MGMT: variants seen among roughly 807,000 people sequenced by gnomAD.
The protein encoded by MGMT is O-6-methylguanine-DNA methyltransferase.
In MGMT, 14 loss-of-function variants were observed where a neutral mutation model predicts 15.9. That is an observed-to-expected ratio of 0.88 (90% confidence interval 0.58 to 1.37). The LOEUF is 1.37. MGMT is among the 40% of genes most tolerant of loss of function. The pLI, the probability that MGMT is intolerant of heterozygous loss-of-function variation, is 0.00. For synonymous variants in MGMT, 130 were observed against 118.2 expected (o/e 1.10, Z -0.65); for missense variants, 282 against 268.1 (o/e 1.05, Z -0.36).
At chr10:129,713,210 C>T (rs1032210074) in intron 3 of MGMT, among the ~76,000 whole-genome samples, 4 of 152,122 alleles carry the variant, frequency 2.6e-5, no homozygotes, top group South Asian at 2.1e-4. Context: ...TGATTTTAAA[C>T]GAGGGCTCAT....
Position 129,505,238 on chromosome 10 carries a change from C to T in MGMT, c.-12-31003C>T, listed in dbSNP as rs1288788187. Among the ~76,000 whole-genome samples the T allele has an allele frequency of 2.1e-5, 3 of 143,184 alleles. No individual in the cohort carries two copies. The East Asian group carries it at 5.8e-4, about 28-fold the overall frequency. 93.9% of individuals were successfully genotyped at this position (143,184 alleles called of 152,430 possible). A position where few individuals can be genotyped will look rare whatever the true frequency, so the allele number is the denominator to read the frequency against. On this transcript the variant is annotated intron_variant, in intron 1 of 4. Coordinates refer to ENST00000651593, the MANE Select transcript of MGMT (RefSeq NM_002412.5). ...GTGGTAGATAAATATCTCTTTTAGT[C>T]CCCCAACCCCACTTTTATTTTCTAG...
At chr10:129,505,933 C>T (rs1256046945) in intron 1 of MGMT, among the ~76,000 whole-genome samples, 4 of 149,806 alleles carry the variant, frequency 2.7e-5, no homozygotes, top group Non-Finnish European at 5.9e-5. Context: ...GCTGAGCACA[C>T]CAACAGGCTT....
intron 1 of MGMT, among the ~76,000 whole-genome samples, chr10:129,477,008 CTG>C (rs1423637601): frequency 6.6e-6 from 1 of 152,156 alleles, no homozygotes; most frequent in Non-Finnish European, 1.5e-5. Flanking sequence ...CCAGGCAAGT[CTG>C]TGGGCTCGTG....
intron 2 of MGMT, among the ~76,000 whole-genome samples, chr10:129,692,335 T>A (rs2133128749): frequency 6.6e-6 from 1 of 152,178 alleles, no homozygotes; most frequent in East Asian, 1.9e-4. Flanking sequence ...CGGGGCAGTA[T>A]GAGTCCAGAC....
At chr10:129,706,401 AAC>A (rs1848162697) in intron 2 of MGMT, among the ~76,000 whole-genome samples, 1 of 152,190 alleles carries the variant, frequency 6.6e-6, no homozygotes, top group African/African-American at 2.4e-5. Flanking sequence ...GTCGAGGAGA[AAC>A]ATTCTGTAGA....
chr10:129,753,374 T>C (rs568860651), intron 3 of MGMT, among the ~76,000 whole-genome samples: 21 of 152,340 alleles, frequency 1.4e-4, no homozygotes, highest in Admixed American at 7.8e-4. Context: ...TTGCCAAATT[T>C]GACAAAATTT....
At chr10:129,720,281 G>A (rs985235030) in intron 3 of MGMT, among the ~76,000 whole-genome samples, 4 of 152,238 alleles carry the variant, frequency 2.6e-5, no homozygotes, top group South Asian at 4.1e-4. Context: ...TGGGACTCCT[G>A]CACTCTGGGA....
intron 2 of MGMT, among the ~76,000 whole-genome samples, chr10:129,705,140 A>G (rs905177061): frequency 1.3e-5 from 2 of 152,210 alleles, no homozygotes; most frequent in Non-Finnish European, 1.5e-5. Context: ...TCGCAGACGC[A>G]GGCCCATGGC....
At chr10:129,619,697 C>T (rs1442906990) in intron 2 of MGMT, among the ~76,000 whole-genome samples, 2 of 151,932 alleles carry the variant, frequency 1.3e-5, no homozygotes, top group African/African-American at 4.8e-5. Flanking sequence ...TTTTGGTTAT[C>T]TGTCTTTCAA....
intron 1 of MGMT, among the ~76,000 whole-genome samples, chr10:129,534,656 A>G (rs985272769): frequency 2.6e-5 from 4 of 151,888 alleles, no homozygotes; most frequent in Non-Finnish European, 4.4e-5. Context: ...AGGAAAGATC[A>G]GCTGGAGTGC....
chr10:129,768,189 A>G lies in MGMT; in HGVS notation c.*1192A>G, dbSNP rs538634286. On this transcript the variant is annotated 3_prime_UTR_variant, in exon 5 of 5. Coordinates refer to ENST00000651593, the MANE Select transcript of MGMT (RefSeq NM_002412.5). ...TGGCCTCACGATGTGTATGGTTGGG[A>G]CCCGCCTTCTATTTCATTTTATCTT... Among the ~76,000 whole-genome samples, 3 of 152,202 alleles carry G rather than the reference A, an allele frequency of 2.0e-5. No homozygotes were observed. The South Asian group carries it at 6.2e-4, about 32-fold the overall frequency.
At chr10:129,618,938 C>T (rs1193714220) in intron 2 of MGMT, among the ~76,000 whole-genome samples, 1 of 152,020 alleles carries the variant, frequency 6.6e-6, no homozygotes, top group Non-Finnish European at 1.5e-5. Flanking sequence ...AGAATGAAGA[C>T]AGTTTTGTTT....
chr10:129,470,486 C>T (rs1190081366), intron 1 of MGMT, among the ~76,000 whole-genome samples: 4 of 152,196 alleles, frequency 2.6e-5, no homozygotes. Flanking sequence ...CTGACTTCTT[C>T]ATAGAGCTAT....
intron 1 of MGMT, among the ~76,000 whole-genome samples, chr10:129,491,926 C>A (rs899679102): frequency 6.6e-6 from 1 of 152,108 alleles, no homozygotes. Flanking sequence ...TTGTGGACAT[C>A]TATTCCTCTG....
At chr10:129,575,781 C>T (rs1243879464) in intron 2 of MGMT, among the ~76,000 whole-genome samples, 2 of 152,042 alleles carry the variant, frequency 1.3e-5, no homozygotes, top group South Asian at 4.2e-4. Context: ...AATTGATAGA[C>T]TGCTAGCAAG....
At chr10:129,697,908 A>G (rs1487475578) in intron 2 of MGMT, among the ~76,000 whole-genome samples, 2 of 152,272 alleles carry the variant, frequency 1.3e-5, no homozygotes, top group African/African-American at 4.8e-5. Context: ...ATCCCAGAGC[A>G]GGTTCTTGGT....
chr10:129,610,415 C>T (rs1436883049), intron 2 of MGMT, among the ~76,000 whole-genome samples: 1 of 152,226 alleles, frequency 6.6e-6, no homozygotes, highest in African/African-American at 2.4e-5. Flanking sequence ...TGGAACTTGC[C>T]AAGTATGCCC....
At chr10:129,764,314 A>G (rs1176121284) in intron 4 of MGMT, among the ~76,000 whole-genome samples, 1 of 152,208 alleles carries the variant, frequency 6.6e-6, no homozygotes, top group Non-Finnish European at 1.5e-5. Context: ...AGGGGCTTTA[A>G]GCACCTTTTC....
At chr10:129,518,738 A>G (rs1037576966) in intron 1 of MGMT, among the ~76,000 whole-genome samples, 1 of 150,050 alleles carries the variant, frequency 6.7e-6, no homozygotes, top group African/African-American at 2.5e-5. Flanking sequence ...AACATACACA[A>G]TATGTGTTAG....
Sources: allele counts gnomAD v4.1 joint callset (sites outside exome capture counted in the v4.1 genomes callset), GRCh38; gene constraint gnomAD v4.1.1; transcripts MANE v1.5; gene names NCBI Gene and HGNC (gene_info 2026-07-23, HGNC 2026-07-21).